ICE1: variants seen among roughly 807,000 people sequenced by gnomAD.
ICE1 encodes the protein little elongation complex subunit 1.
In ICE1, 64 loss-of-function variants were observed where a neutral mutation model predicts 192.7. The ratio of observed to expected loss-of-function variants is 0.33; its 90% CI spans 0.27 to 0.41. The LOEUF (loss-of-function observed/expected upper bound fraction) is 0.41. ICE1 is among the 10% of genes least tolerant of loss of function. The probability of loss-of-function intolerance (pLI) is 1.00; values close to 1 mark genes in which losing one functional copy is unlikely to be tolerated. For missense variants in ICE1, 2,708 were observed against 2,696.0 expected, an observed-to-expected ratio of 1.00 and a Z score of -0.10; for synonymous variants, 1,010 against 984.5, an observed-to-expected ratio of 1.03 and a Z score of -0.49.
At chr5:5,429,371 A>G (rs1451154822) in intron 1 of ICE1, among the ~76,000 whole-genome samples, 1 of 152,158 alleles carries the variant, frequency 6.6e-6, no homozygotes, top group African/African-American at 2.4e-5. Flanking sequence ...GGTGACAGCC[A>G]ATGGCCCACC....
At chr5:5,474,349 G>A (rs1234114654) in intron 16 of ICE1, among the ~76,000 whole-genome samples, 1 of 152,170 alleles carries the variant, frequency 6.6e-6, no homozygotes, top group Non-Finnish European at 1.5e-5. Flanking sequence ...CTCTGGAGGG[G>A]CGGAGGGTGG....
chr5:5,465,057 T>G lies in ICE1; in HGVS notation c.5723T>G (p.Val1908Gly). The change falls in exon 13 of 19, where the codon GTG becomes GGG. Residue 1908 changes from valine to glycine, a missense_variant. Physicochemically the swap from Val to Gly is moderately radical, Grantham distance 109. Around this residue, in one of 2 missense-constraint regions of ICE1, gnomAD observed 2,366 missense variants for 2,276.6 expected, o/e 1.04. Coordinates refer to ENST00000296564, the MANE Select transcript of ICE1 (RefSeq NM_015325.3). ...TTGCCTTTAAGCCCAAAAGAAACTG[T>G]GGAGTCCCATGATAAAGCCATAGCT... is the stretch of plus-strand genomic sequence containing the variant. ...SQLPLSPKET[V>G]ESHDKAIANA... 6.2e-7 allele frequency: 1 copy of G among 1,613,938 alleles called. No homozygotes were observed. The highest frequency in any genetic ancestry group is 8.5e-7 in the Non-Finnish European group (1 of 1,179,874).
In ICE1 at chr5:5,437,055, CT is replaced by C. The variant is rs769184752; in HGVS notation, c.144-24del. The C allele has an allele frequency of 5.6e-5, 77 of 1,370,974 alleles. No homozygotes were observed. The African/African-American group carries it at 1.0e-3, about 18-fold the overall frequency. 84.9% of individuals were successfully genotyped at this position (1,370,974 alleles called of 1,614,324 possible). A position where few individuals can be genotyped will look rare whatever the true frequency, so the allele number is the denominator to read the frequency against. On this transcript the variant is annotated intron_variant, in intron 2 of 18. Coordinates refer to ENST00000296564, the MANE Select transcript of ICE1 (RefSeq NM_015325.3). ...TATATTTTCTAAATTAAAAAGTAAC[CT>C]AATTTTTCTTTTCTTTTTTGCAGTA...
intron 10 of ICE1, among the ~76,000 whole-genome samples, chr5:5,449,390 T>C (rs1738346015): frequency 2.0e-5 from 3 of 151,722 alleles, no homozygotes; most frequent in South Asian, 4.2e-4. Context: ...GACTTCACTT[T>C]ACAAAAAAAG....
At chr5:5,427,914 G>A (rs1342662678) in intron 1 of ICE1, among the ~76,000 whole-genome samples, 3 of 152,150 alleles carry the variant, frequency 2.0e-5, no homozygotes, top group Non-Finnish European at 2.9e-5. Flanking sequence ...AGGTACTCTG[G>A]GAGCATGTAG....
At chr5:5,473,827 A>G in intron 16 of ICE1, 79 bp downstream of exon 16, 1 of 1,080,202 alleles carries the variant, frequency 9.3e-7, no homozygotes, top group Non-Finnish European at 1.3e-6. Flanking sequence ...GGCTTGAATC[A>G]TTTTTGTCGT....
intron 7 of ICE1, among the ~76,000 whole-genome samples, chr5:5,446,164 C>G (rs527954381): frequency 8.4e-4 from 128 of 151,640 alleles, no homozygotes; most frequent in Admixed American, 2.0e-3. Flanking sequence ...TGTGTGCTAC[C>G]ACACCTGCCT....
At chr5:5,433,564 AT>A (rs1294700756) in intron 1 of ICE1, among the ~76,000 whole-genome samples, 1 of 151,952 alleles carries the variant, frequency 6.6e-6, no homozygotes, top group East Asian at 1.9e-4. Context: ...TTTTGACTGT[AT>A]TTTTAGCTGG....
At chr5:5,477,787 A>T (rs190026069) in intron 17 of ICE1, among the ~76,000 whole-genome samples, 5 of 152,324 alleles carry the variant, frequency 3.3e-5, no homozygotes, top group Admixed American at 2.6e-4. Flanking sequence ...ATCCACCACG[A>T]TCAAGTCAGC....
chr5:5,460,352 A>G (rs1216332837), intron 12 of ICE1, 84 bp from the exon 13 acceptor site: 10 of 897,996 alleles, frequency 1.1e-5, no homozygotes, highest in Non-Finnish European at 1.7e-5. Flanking sequence ...GGAAACGTGT[A>G]CTTTTAAAAA....
intron 13 of ICE1, among the ~76,000 whole-genome samples, chr5:5,465,619 A>AG (rs1433808893): frequency 1.3e-5 from 2 of 152,122 alleles, no homozygotes; most frequent in Non-Finnish European, 2.9e-5. Context: ...GTGTCAAGAG[A>AG]GGGAAAAAAG....
In ICE1 at chr5:5,462,542, A is replaced by G. The variant is rs1221981426; in HGVS notation, c.3208A>G (p.Thr1070Ala). The change falls in exon 13 of 19, where the codon ACT (threonine) becomes GCT (alanine). Residue 1070 changes from threonine to alanine, a missense_variant. Physicochemically the swap from Thr to Ala is moderately conservative, Grantham distance 58. Transcript: ENST00000296564. ...LPECFGTTDT[T>A]FSSAFCRKHG... Reference sequence around the variant, plus strand: ...TGAGTGTTTTGGCACCACAGACACTACTTTTTCTTCAGCATTTTGCAGAAA... The same window carrying G: ...TGAGTGTTTTGGCACCACAGACACTGCTTTTTCTTCAGCATTTTGCAGAAA... 3.1e-6 allele frequency: 5 copies of G among 1,614,030 alleles called. No homozygotes were observed. Among genetic ancestry groups the G allele is most frequent in the Admixed American group, 1.7e-5 (1 of 60,032 alleles).
rs375797140 is a variant in ICE1 at position 5,476,035 on chromosome 5, C to T, written c.6476C>T (p.Ala2159Val). 2.2e-5 allele frequency: 35 copies of T among 1,609,480 alleles called. No individual in the cohort carries two copies. The highest frequency in any genetic ancestry group is 4.0e-5 in the African/African-American group (3 of 74,642). Residue 2159 changes from alanine (A) to valine (V), a missense_variant, in exon 17 of 19, where the codon GCG becomes GTG. Physicochemically the swap from Ala to Val is moderately conservative, Grantham distance 64 (BLOSUM62 0). Transcript: ENST00000296564. ...IKYRKGHANI[A>V]YTPDIIIASI... is the part of the protein sequence containing the mutation. ...TACAGAAAAGGACATGCAAACATTG[C>T]GTATACTCCTGATATTATTATAGCC... is the stretch of plus-strand genomic sequence containing the variant.
chr5:5,472,041 T>G (rs1483504280), intron 15 of ICE1, among the ~76,000 whole-genome samples: 7 of 152,302 alleles, frequency 4.6e-5, no homozygotes, highest in Non-Finnish European at 7.4e-5. Context: ...GTTAACAAAG[T>G]AAGAATGTGT....
rs1391448233 is a variant in ICE1 at position 5,461,528 on chromosome 5, T to C, written c.2194T>C (p.Leu732=). The part of the protein sequence containing the change: ...GIEYTKVVKG[L]TKIHSLPRSV... Reference sequence around the variant, plus strand: ...AGAATATACAAAAGTAGTAAAAGGCTTGACCAAAATACATTCACTTCCTCG... The same window carrying C: ...AGAATATACAAAAGTAGTAAAAGGCCTGACCAAAATACATTCACTTCCTCG... Residue 732 remains leucine, a synonymous_variant, in exon 13 of 19, where the codon TTG becomes CTG. Transcript: ENST00000296564. 2 of 1,613,260 alleles carry C rather than the reference T, an allele frequency of 1.2e-6. No individual in the cohort carries two copies. The highest frequency in any genetic ancestry group is 1.7e-6 in the Non-Finnish European group (2 of 1,179,620).
chr5:5,451,578 T>C (rs764771990), intron 10 of ICE1, among the ~76,000 whole-genome samples: 4 of 152,172 alleles, frequency 2.6e-5, no homozygotes, highest in Admixed American at 6.5e-5. Context: ...CATATTCAGA[T>C]GTGAAAATGT....
intron 18 of ICE1, 59 bp downstream of exon 18, chr5:5,486,878 CT>C: frequency 1.6e-6 from 2 of 1,284,260 alleles, no homozygotes; most frequent in Middle Eastern, 2.0e-4. Flanking sequence ...ATAGTTAAAC[CT>C]TTTTTGGGGT....
chr5:5,475,052 G>C (rs775711697), intron 16 of ICE1, among the ~76,000 whole-genome samples: 1 of 152,214 alleles, frequency 6.6e-6, no homozygotes, highest in Non-Finnish European at 1.5e-5. Context: ...ATAATGATGT[G>C]TCAGGGCCTG....
At chr5:5,481,548 T>C (rs1285228310) in intron 17 of ICE1, among the ~76,000 whole-genome samples, 1 of 152,182 alleles carries the variant, frequency 6.6e-6, no homozygotes, top group East Asian at 1.9e-4. Context: ...TTAAAAAACA[T>C]AGATTCTCAG....
Sources: allele counts gnomAD v4.1 joint callset (sites outside exome capture counted in the v4.1 genomes callset), GRCh38; gene constraint gnomAD v4.1.1; regional missense constraint gnomAD v4.1.1; transcripts MANE v1.5; gene names NCBI Gene and HGNC (gene_info 2026-07-23, HGNC 2026-07-21).